Variants in GABBR2 observed in about 807,000 individuals in gnomAD.
The protein encoded by GABBR2 is gamma-aminobutyric acid type B receptor subunit 2, also known as G-protein coupled receptor 51.
GABBR2 carries 23 observed loss-of-function variants against 105.6 expected under a neutral mutation model. That is an observed-to-expected ratio of 0.22 (90% CI 0.16 to 0.31). The LOEUF (loss-of-function observed/expected upper bound fraction) is 0.31. GABBR2 is among the 10% of genes least tolerant of loss of function. GABBR2 has a pLI of 1.00. For missense variants in GABBR2, 734 were observed against 1,245.5 expected (o/e 0.59, Z 6.18); for synonymous variants, 478 against 499.7 (o/e 0.96, Z 0.58).
intron 11 of GABBR2, among the ~76,000 whole-genome samples, chr9:98,382,583 G>A (rs1588132305): frequency 6.6e-6 from 1 of 152,142 alleles, no homozygotes; most frequent in South Asian, 2.1e-4. Flanking sequence ...CCAAAGTGCT[G>A]GGATTATAAG....
chr9:98,444,879 GCACA>G (rs34280193), intron 7 of GABBR2, among the ~76,000 whole-genome samples: 76,218 of 150,932 alleles, frequency 0.5, 19,537 homozygotes, highest in Middle Eastern at 0.65. Flanking sequence ...GCGCGCGCGC[GCACA>G]CACACACACA....
In GABBR2 at chr9:98,692,634, G is replaced by A. The variant is rs1343537969; in HGVS notation, c.321+15783C>T. On this transcript the variant is annotated intron_variant, in intron 1 of 18. Transcript: ENST00000259455. ...GGACTGTAGCATGCCTGGCCGCTGT[G>A]GGTGGTGCCAAGGGCACTGGGCTCA... Among the ~76,000 whole-genome samples, 3 of 152,214 alleles carry A rather than the reference G, an allele frequency of 2.0e-5. No individual in the cohort carries two copies. The East Asian group carries it at 5.8e-4, about 29-fold the overall frequency.
At chr9:98,513,362 T>C (rs138018922) in intron 3 of GABBR2, among the ~76,000 whole-genome samples, 12,208 of 152,098 alleles carry the variant, frequency 0.08, 546 homozygotes, top group African/African-American at 0.093. Context: ...ACTTCATGTC[T>C]AAAACACCAA....
intron 13 of GABBR2, among the ~76,000 whole-genome samples, chr9:98,331,008 C>T (rs543313742): frequency 6.6e-6 from 1 of 152,226 alleles, no homozygotes; most frequent in African/African-American, 2.4e-5. Context: ...AATATGTGGC[C>T]TTTTGCGTCT....
intron 10 of GABBR2, among the ~76,000 whole-genome samples, chr9:98,387,850 C>T (rs1832101972): frequency 6.6e-6 from 1 of 151,936 alleles, no homozygotes; most frequent in South Asian, 2.1e-4. Context: ...CTAGAGCCTC[C>T]AAATTCCTTC....
At chr9:98,647,076 C>T (rs75597793) in intron 1 of GABBR2, among the ~76,000 whole-genome samples, 1,921 of 152,204 alleles carry the variant, frequency 0.013, 48 homozygotes, top group African/African-American at 0.044. Flanking sequence ...AAATAAATAC[C>T]CTTTCTGAAT....
At chr9:98,697,787 T>A (rs1830775523) in intron 1 of GABBR2, among the ~76,000 whole-genome samples, 1 of 152,178 alleles carries the variant, frequency 6.6e-6, no homozygotes, top group Admixed American at 6.5e-5. Context: ...GGATGCTTTG[T>A]GGAGTGACAA....
rs1010451479 is a variant in GABBR2 at position 98,542,187 on chromosome 9, T to C, written c.460-144A>G. 6.0e-6 allele frequency: 4 copies of C among 663,402 alleles called. No homozygotes were observed. In the African/African-American group the frequency reaches 7.3e-5, roughly 12 times the overall value. The allele number at this position is 663,402 out of a possible 1,614,324, so 41.1% of individuals were successfully genotyped here. ...AGATATTTTTAAAACTTTTTTATTG[T>C]AAGAGTAACATATCATAATGGAAGG... On this transcript the variant is annotated intron_variant, in intron 2 of 18. Transcript: ENST00000259455.
At chr9:98,501,510 C>A (rs891395933) in intron 3 of GABBR2, among the ~76,000 whole-genome samples, 3 of 152,308 alleles carry the variant, frequency 2.0e-5, no homozygotes, top group African/African-American at 2.4e-5. Context: ...AAGGAAGGGA[C>A]AATCCCTCTC....
intron 3 of GABBR2, among the ~76,000 whole-genome samples, chr9:98,527,443 A>G (rs192629866): frequency 3.9e-5 from 6 of 152,284 alleles, no homozygotes; most frequent in Admixed American, 3.9e-4. Context: ...AGATGTTATT[A>G]TATCTACCTA....
intron 13 of GABBR2, among the ~76,000 whole-genome samples, chr9:98,327,346 C>T (rs1011670475): frequency 6.6e-6 from 1 of 152,128 alleles, no homozygotes; most frequent in African/African-American, 2.4e-5. Context: ...GAACCTAAGC[C>T]TGCCCCCACC....
intron 3 of GABBR2, among the ~76,000 whole-genome samples, chr9:98,528,418 G>A (rs1281460907): frequency 6.6e-6 from 1 of 152,078 alleles, no homozygotes; most frequent in African/African-American, 2.4e-5. Context: ...GAGATGGGAA[G>A]AGCTTGTCAA....
At chr9:98,307,241 C>A (rs896756707) in intron 14 of GABBR2, among the ~76,000 whole-genome samples, 1 of 152,140 alleles carries the variant, frequency 6.6e-6, no homozygotes, top group Non-Finnish European at 1.5e-5. Flanking sequence ...CAATAGATGT[C>A]TTGACAGAAA....
chr9:98,600,163 C>T (rs1446590052), intron 1 of GABBR2, among the ~76,000 whole-genome samples: 1 of 152,130 alleles, frequency 6.6e-6, no homozygotes, highest in Non-Finnish European at 1.5e-5. Context: ...CAAATCTCCC[C>T]TTTTCTCATT....
chr9:98,483,018 TC>T (rs200405019), intron 4 of GABBR2, among the ~76,000 whole-genome samples: 1,561 of 151,852 alleles, frequency 0.01, 31 homozygotes, highest in African/African-American at 0.036. Context: ...TCCAAATCTC[TC>T]CCCCCAGCCT....
intron 13 of GABBR2, among the ~76,000 whole-genome samples, chr9:98,318,588 C>T (rs967266092): frequency 2.2e-4 from 33 of 152,244 alleles, no homozygotes; most frequent in African/African-American, 7.2e-4. Context: ...AGGAGGGCCA[C>T]GCAATTCACC....
chr9:98,570,787 G>T (rs569506872), intron 2 of GABBR2, among the ~76,000 whole-genome samples: 1 of 152,214 alleles, frequency 6.6e-6, no homozygotes, highest in South Asian at 2.1e-4. Context: ...TGGGAGATGC[G>T]GGCTGAGGCT....
Position 98,590,591 on chromosome 9 carries a change from G to C in GABBR2, c.322-12519C>G, listed in dbSNP as rs551407552. Among the ~76,000 whole-genome samples the C allele has an allele frequency of 3.3e-5, 5 of 152,376 alleles. 1 individual carries two copies. The South Asian group carries it at 1.0e-3, about 32-fold the overall frequency. ...AGTGTACTCGGGCTGCCGATCAGGA[G>C]AGGGGTGCTCTTTTCTGCAGGTTTG... On this transcript the variant is annotated intron_variant, in intron 1 of 18. Coordinates refer to ENST00000259455, the MANE Select transcript of GABBR2 (RefSeq NM_005458.8).
chr9:98,317,300 C>T (rs1449266542), intron 13 of GABBR2, among the ~76,000 whole-genome samples: 11 of 152,166 alleles, frequency 7.2e-5, no homozygotes, highest in African/African-American at 1.7e-4. Flanking sequence ...CAGAAGCTGC[C>T]GGGGAAAGCC....
Sources: allele counts gnomAD v4.1 joint callset (sites outside exome capture counted in the v4.1 genomes callset), GRCh38; gene constraint gnomAD v4.1.1; transcripts MANE v1.5; gene names NCBI Gene and HGNC (gene_info 2026-07-23, HGNC 2026-07-21).